PPM1H: variants seen among roughly 807,000 people sequenced by gnomAD.
PPM1H encodes the protein protein phosphatase 1H.
A neutral mutation model predicts 54.9 loss-of-function variants in PPM1H; 27 were observed. The observed-to-expected ratio is 0.49, with a 90% CI of 0.36 to 0.68. PPM1H has a LOEUF of 0.68. PPM1H is among the 30% of genes least tolerant of loss of function. The probability of loss-of-function intolerance (pLI) is 0.00; values close to 1 mark genes in which losing one functional copy is unlikely to be tolerated. For missense variants in PPM1H, 596 were observed against 667.8 expected (o/e 0.89, Z 1.19); for synonymous variants, 305 against 270.8 (o/e 1.13, Z -1.24).
intron 1 of PPM1H, among the ~76,000 whole-genome samples, chr12:62,852,138 AGAATT>A (rs1355136158): frequency 4.8e-5 from 7 of 147,020 alleles, no homozygotes; most frequent in African/African-American, 1.0e-4. Flanking sequence ...CTGAGGCAGG[AGAATT>A]GCTTGAACCT....
At chr12:62,830,464 C>T (rs968119878) in intron 2 of PPM1H, among the ~76,000 whole-genome samples, 6 of 152,126 alleles carry the variant, frequency 3.9e-5, no homozygotes, top group Non-Finnish European at 8.8e-5. Flanking sequence ...ACTGTGTTAG[C>T]CAGGATGGTC....
Position 62,832,206 on chromosome 12 carries a change from C to A in PPM1H, c.319G>T (p.Ala107Ser), listed in dbSNP as rs780109938. ...SCEVLTVKKK[A>S]GAVTSTPNRN... ...TTTGGGGTTGAGGTCACGGCCCCTGCCTTCTTCTTCACAGTGAGCACCTCA... is the reference window on the plus strand; with the variant it reads ...TTTGGGGTTGAGGTCACGGCCCCTGACTTCTTCTTCACAGTGAGCACCTCA... Residue 107 changes from alanine to serine, a missense_variant, in exon 2 of 10, where the codon GCA (alanine) becomes TCA (serine). By Grantham distance (99) the Ala-to-Ser change is moderately conservative (BLOSUM62 1). Around this residue, in one of 3 missense-constraint regions of PPM1H, gnomAD observed 382 missense variants for 387.1 expected, o/e 0.99. Coordinates refer to ENST00000228705, the MANE Select transcript of PPM1H (RefSeq NM_020700.2). The A allele has an allele frequency of 1.2e-5, 19 of 1,613,550 alleles. No homozygotes were observed. In the South Asian group the frequency reaches 2.1e-4, roughly 18 times the overall value.
At chr12:62,832,545 TAC>T (rs1868383766) in intron 1 of PPM1H, among the ~76,000 whole-genome samples, 1 of 152,228 alleles carries the variant, frequency 6.6e-6, no homozygotes, top group African/African-American at 2.4e-5. Flanking sequence ...TGTGATCAAA[TAC>T]ACTAATCCAT....
Position 62,844,006 on chromosome 12 carries a change from G to A in PPM1H, c.246-11727C>T, listed in dbSNP as rs1232334109. The stretch of plus-strand genomic sequence containing the variant: ...CTTGAGGTCTCAGAATAACCCATCT[G>A]AGTTTCATTTTAGGCAAACTGATTT... On this transcript the variant is annotated intron_variant, in intron 1 of 9. Coordinates refer to ENST00000228705, the MANE Select transcript of PPM1H (RefSeq NM_020700.2). The surrounding 1 kb of genome is among the most constrained non-coding windows in gnomAD (Gnocchi z 5.2). Among the ~76,000 whole-genome samples the A allele has an allele frequency of 6.6e-6, 1 of 152,218 alleles. No individual in the cohort carries two copies. Among genetic ancestry groups the A allele is most frequent in the African/African-American group, 2.4e-5 (1 of 41,458 alleles).
At chr12:62,835,526 G>C (rs371833361) in intron 1 of PPM1H, among the ~76,000 whole-genome samples, 29 of 152,234 alleles carry the variant, frequency 1.9e-4, no homozygotes, top group East Asian at 1.4e-3. Flanking sequence ...AACAATTACT[G>C]GTGCCCTTAC....
At chr12:62,897,037 G>A (rs972444373) in intron 1 of PPM1H, among the ~76,000 whole-genome samples, 2 of 147,436 alleles carry the variant, frequency 1.4e-5, no homozygotes, top group African/African-American at 5.0e-5. Flanking sequence ...ACTCGCAGGT[G>A]GGAATTGAAC....
intron 5 of PPM1H, among the ~76,000 whole-genome samples, chr12:62,735,255 C>T (rs1045160556): frequency 5.3e-5 from 8 of 151,856 alleles, no homozygotes; most frequent in Non-Finnish European, 2.9e-5. Context: ...ACCTAGGCTG[C>T]CCCAAGAGTG....
At chr12:62,842,362 A>T (rs1001631465) in intron 1 of PPM1H, among the ~76,000 whole-genome samples, 1 of 152,038 alleles carries the variant, frequency 6.6e-6, no homozygotes, top group Non-Finnish European at 1.5e-5. Flanking sequence ...TCAGTTTCAA[A>T]TGTGTAATTT....
chr12:62,767,109 G>A lies in PPM1H; in HGVS notation c.869+21117C>T, dbSNP rs910930838. Among the ~76,000 whole-genome samples the A allele has an allele frequency of 6.6e-5, 10 of 152,316 alleles. No homozygotes were observed. In the East Asian group the frequency reaches 1.9e-3, roughly 29 times the overall value. On this transcript the variant is annotated intron_variant, in intron 4 of 9. Transcript: ENST00000228705. ...CCTGACGCTCTGCAGAGAGGTGGGA[G>A]GCTGACAAGAGGGGAGAGGTGACTG...
intron 2 of PPM1H, among the ~76,000 whole-genome samples, chr12:62,804,666 C>CTTTTTTTTTTTTTT (rs1162966258): frequency 7.4e-6 from 1 of 134,284 alleles, no homozygotes; most frequent in African/African-American, 2.9e-5. Flanking sequence ...TGGTTAATTT[C>CTTTTTTTTTTTTTT]TTTTTTTTTC....
intron 1 of PPM1H, among the ~76,000 whole-genome samples, chr12:62,840,606 C>T (rs1464512731): frequency 6.6e-6 from 1 of 152,096 alleles, no homozygotes; most frequent in African/African-American, 2.4e-5. Flanking sequence ...AGGAAATCAA[C>T]ACTCAGAGAA....
chr12:62,756,125 C>T (rs775711510), intron 4 of PPM1H: 143 of 866,196 alleles, frequency 1.7e-4, no homozygotes, highest in Non-Finnish European at 2.5e-4. Flanking sequence ...CTGGGGATGG[C>T]ATTGACCTCA....
intron 1 of PPM1H, among the ~76,000 whole-genome samples, chr12:62,918,007 T>C (rs752371132): frequency 1.1e-4 from 17 of 152,242 alleles, no homozygotes; most frequent in Non-Finnish European, 2.4e-4. Flanking sequence ...TAATTTGTAA[T>C]GTATACAAAT....
intron 2 of PPM1H, among the ~76,000 whole-genome samples, chr12:62,823,482 C>T (rs1176282205): frequency 1.3e-5 from 2 of 152,066 alleles, no homozygotes; most frequent in Non-Finnish European, 2.9e-5. Context: ...TGATGAACAT[C>T]GATGCAAAAA....
intron 7 of PPM1H, among the ~76,000 whole-genome samples, chr12:62,690,279 C>G (rs777338707): frequency 6.6e-6 from 1 of 152,174 alleles, no homozygotes; most frequent in Non-Finnish European, 1.5e-5. Flanking sequence ...CAGCTATGTC[C>G]TTAGTCCTGT....
intron 1 of PPM1H, among the ~76,000 whole-genome samples, chr12:62,921,126 T>C (rs1022879644): frequency 2.0e-5 from 3 of 152,036 alleles, no homozygotes; most frequent in Non-Finnish European, 4.4e-5. Context: ...GGTTTTGCCA[T>C]GTTGGCCAGG....
chr12:62,694,318 C>T (rs896140634), intron 6 of PPM1H, among the ~76,000 whole-genome samples: 3 of 152,132 alleles, frequency 2.0e-5, no homozygotes, highest in East Asian at 1.9e-4. Context: ...ATTCTCATCA[C>T]GAATCCAAAA....
chr12:62,836,058 G>A (rs557866345), intron 1 of PPM1H, among the ~76,000 whole-genome samples: 5 of 151,586 alleles, frequency 3.3e-5, no homozygotes, highest in East Asian at 2.0e-4. Flanking sequence ...ATGCTCCAGC[G>A]TAAAGTCAGT....
chr12:62,760,086 C>T (rs528597000), intron 4 of PPM1H, among the ~76,000 whole-genome samples: 2 of 152,298 alleles, frequency 1.3e-5, no homozygotes, highest in Admixed American at 1.3e-4. Context: ...AAAATCTAAG[C>T]ATCTTATTTT....
Sources: allele counts gnomAD v4.1 joint callset (sites outside exome capture counted in the v4.1 genomes callset), GRCh38; gene constraint gnomAD v4.1.1; regional missense constraint gnomAD v4.1.1; non-coding constraint Gnocchi (gnomAD v3.1); transcripts MANE v1.5; gene names NCBI Gene and HGNC (gene_info 2026-07-23, HGNC 2026-07-21).